The following MSH4 variants were observed in gnomAD, a reference collection of about 807,000 sequenced individuals.
MSH4 encodes the protein mutS homolog 4, also known as mutS protein homolog 4.
In MSH4, 106 loss-of-function variants were observed where a neutral mutation model predicts 113.7. The ratio of observed to expected loss-of-function variants is 0.93; its 90% CI spans 0.80 to 1.10. MSH4 has a LOEUF of 1.10. Among genes scored for constraint, MSH4 ranks in the 50% least tolerant of loss-of-function variants. MSH4 has a pLI of 0.00. For missense variants in MSH4, 1,061 were observed against 1,093.7 expected (o/e 0.97, Z 0.42); for synonymous variants, 368 against 380.2 (o/e 0.97, Z 0.37).
chr1:75,856,063 AT>A (rs1254809037), intron 8 of MSH4, among the ~76,000 whole-genome samples: 3 of 152,214 alleles, frequency 2.0e-5, no homozygotes, highest in African/African-American at 7.2e-5. Context: ...TAGGAAAAAA[AT>A]ATCACTTTGA....
chr1:75,892,284 C>G (rs1049839573), intron 17 of MSH4, among the ~76,000 whole-genome samples: 4 of 152,124 alleles, frequency 2.6e-5, no homozygotes, highest in African/African-American at 9.7e-5. Flanking sequence ...GGACCTATAG[C>G]TAGCCCATTT....
At chr1:75,890,871 A>G in intron 17 of MSH4, 47 bp downstream of exon 17, 1 of 1,392,302 alleles carries the variant, frequency 7.2e-7, no homozygotes, top group Non-Finnish European at 9.9e-7. Context: ...TTCTTTATGT[A>G]TCCTTTTATT....
intron 19 of MSH4, among the ~76,000 whole-genome samples, chr1:75,911,817 A>G (rs1291440269): frequency 3.3e-5 from 5 of 151,572 alleles, no homozygotes; most frequent in African/African-American, 1.2e-4. Context: ...AGTGAAAAGT[A>G]AAAAAAAATC....
At chr1:75,834,872 T>G (rs1014686175) in intron 7 of MSH4, among the ~76,000 whole-genome samples, 2 of 152,144 alleles carry the variant, frequency 1.3e-5, no homozygotes, top group African/African-American at 4.8e-5. Context: ...TGTATACATA[T>G]GTAACAAACC....
At chr1:75,890,636 T>G (rs959895856) in intron 16 of MSH4, 60 bp from the exon 17 acceptor site, 1 of 873,336 alleles carries the variant, frequency 1.1e-6, no homozygotes, top group Admixed American at 3.4e-5. Flanking sequence ...CCTCATTTTT[T>G]CCTGTGATAT....
intron 3 of MSH4, 113 bp downstream of exon 3, chr1:75,807,254 T>G (rs1221343983): frequency 4.1e-6 from 3 of 738,036 alleles, no homozygotes; most frequent in Non-Finnish European, 4.0e-6. Flanking sequence ...TATTCATTAT[T>G]ATGTCAATGT....
At chr1:75,850,349 G>A (rs1651158715) in intron 8 of MSH4, among the ~76,000 whole-genome samples, 1 of 151,972 alleles carries the variant, frequency 6.6e-6, no homozygotes, top group Non-Finnish European at 1.5e-5. Flanking sequence ...TAGATATGTT[G>A]TGATTTCTTT....
chr1:75,797,020 C>G lies in MSH4; in HGVS notation c.35C>G (p.Ser12Cys). ...LRPEISSTSPSAPAVSPSSGE... is the reference protein window; with the variant it reads ...LRPEISSTSPCAPAVSPSSGE... Reference sequence around the variant, plus strand: ...CCTGAGATCTCATCAACCTCGCCTTCTGCCCCGGCGGTTTCCCCGTCGTCG... The same window carrying G: ...CCTGAGATCTCATCAACCTCGCCTTGTGCCCCGGCGGTTTCCCCGTCGTCG... The change falls in exon 1 of 20, where the codon TCT becomes TGT. Residue 12 changes from serine to cysteine, a missense_variant. Coordinates refer to ENST00000263187, the MANE Select transcript of MSH4 (RefSeq NM_002440.4). 2 of 1,614,150 alleles carry G rather than the reference C, an allele frequency of 1.2e-6. No homozygotes were observed. Among genetic ancestry groups the G allele is most frequent in the Non-Finnish European group, 1.7e-6 (2 of 1,180,028 alleles).
At chr1:75,806,202 G>A (rs977677375) in intron 2 of MSH4, among the ~76,000 whole-genome samples, 5 of 140,980 alleles carry the variant, frequency 3.5e-5, no homozygotes, top group African/African-American at 1.3e-4. Context: ...TATATATTCT[G>A]AGTAATAAAT....
Position 75,912,811 on chromosome 1 carries a change from A to G in MSH4, c.2735A>G (p.Tyr912Cys). 1 of 1,590,254 alleles carries G rather than the reference A, an allele frequency of 6.3e-7. No homozygotes were observed. The highest frequency in any genetic ancestry group is 2.3e-5 in the East Asian group (1 of 42,736). ...SQLDPDSLRI[Y>C]LSNLKKKYKE... ...TTGGATCCAGACAGTTTACGAATAT[A>G]TTTAAGTAACCTCAAGAAGAAGTAC... Residue 912 changes from tyrosine to cysteine, a missense_variant, in exon 20 of 20, where the codon TAT (tyrosine) becomes TGT (cysteine). Transcript: ENST00000263187.
At chr1:75,901,284 A>G (rs952884042) in intron 19 of MSH4, among the ~76,000 whole-genome samples, 2 of 152,146 alleles carry the variant, frequency 1.3e-5, no homozygotes, top group Non-Finnish European at 2.9e-5. Flanking sequence ...TTTTGTACGC[A>G]TTAACCAACC....
intron 19 of MSH4, among the ~76,000 whole-genome samples, chr1:75,908,634 C>G (rs950429882): frequency 5.9e-5 from 9 of 152,138 alleles, no homozygotes; most frequent in African/African-American, 2.2e-4. Context: ...ATCATAGTTT[C>G]CTGTTTGCTC....
At chr1:75,867,666 C>A in intron 9 of MSH4, 78 bp downstream of exon 9, 3 of 902,626 alleles carry the variant, frequency 3.3e-6, no homozygotes, top group African/African-American at 1.7e-5. Context: ...ATTTCAAACT[C>A]GGAAAATTGC....
Position 75,796,941 on chromosome 1 carries a change from C to A in MSH4, c.-45C>A, listed in dbSNP as rs770685283. 6.2e-7 allele frequency: 1 copy of A among 1,607,420 alleles called. No individual in the cohort carries two copies. The highest frequency in any genetic ancestry group is 1.1e-5 in the South Asian group (1 of 90,606). On this transcript the variant is annotated 5_prime_UTR_variant, in exon 1 of 20. Transcript: ENST00000263187. The stretch of plus-strand genomic sequence containing the variant: ...TCTGTAGTTGGGCTACTGGAGGGGT[C>A]GCTCAGAAACCTCATACTTCTCGGG...
chr1:75,895,672 C>T (rs1033867597), intron 17 of MSH4, among the ~76,000 whole-genome samples: 6 of 151,940 alleles, frequency 3.9e-5, no homozygotes, highest in Non-Finnish European at 8.8e-5. Context: ...GTTGACTTCA[C>T]GTCATATTAT....
At chr1:75,897,821 C>A in intron 17 of MSH4, 86 bp from the exon 18 acceptor site, 2 of 906,798 alleles carry the variant, frequency 2.2e-6, no homozygotes, top group Non-Finnish European at 3.0e-6. Context: ...GAAAATTAAA[C>A]TAAAATTTTA....
At chr1:75,847,522 G>T (rs1651099690) in intron 7 of MSH4, among the ~76,000 whole-genome samples, 1 of 152,182 alleles carries the variant, frequency 6.6e-6, no homozygotes, top group South Asian at 2.1e-4. Flanking sequence ...ATGAGGGTAA[G>T]TCGTGTTGCT....
At chr1:75,800,868 T>C (rs1649919166) in intron 1 of MSH4, among the ~76,000 whole-genome samples, 1 of 152,000 alleles carries the variant, frequency 6.6e-6, no homozygotes, top group Admixed American at 6.6e-5. Flanking sequence ...AAACGTTTCA[T>C]ACTTATGCTG....
At chr1:75,912,589 A>T in intron 19 of MSH4, 107 bp from the exon 20 acceptor site, 1 of 606,804 alleles carries the variant, frequency 1.6e-6, no homozygotes, top group Non-Finnish European at 2.5e-6. Flanking sequence ...TTAACCCTTG[A>T]GTTCCATATG....
Sources: gnomAD v4.1 joint callset for allele counts (sites outside exome capture counted in the v4.1 genomes callset) on GRCh38, gnomAD v4.1.1 for gene constraint, MANE v1.5 for transcripts, NCBI Gene and HGNC (gene_info 2026-07-23, HGNC 2026-07-21) for gene names.